Variants in SYT14 observed in about 807,000 individuals in gnomAD.
The protein encoded by SYT14 is synaptotagmin 14.
Under a neutral mutation model 74.2 loss-of-function variants are expected in SYT14, and 32 were observed. The observed-to-expected ratio is 0.43, with a 90% CI of 0.33 to 0.58. The LOEUF (loss-of-function observed/expected upper bound fraction) is 0.58. SYT14 is among the 20% of genes least tolerant of loss of function. The pLI is 0.05. For missense variants in SYT14, 791 were observed against 981.8 expected (o/e 0.81, Z 2.60); for synonymous variants, 298 against 337.7 (o/e 0.88, Z 1.29).
At chr1:210,159,978 A>ATC (rs200686751) in intron 9 of SYT14, among the ~76,000 whole-genome samples, 1 of 152,192 alleles carries the variant, frequency 6.6e-6, no homozygotes, top group East Asian at 1.9e-4. Context: ...TAGTTCAGAT[A>ATC]TCATTCTTAA....
exon 10 of SYT14, chr1:210,164,667 A>G (rs1289531825): frequency 6.6e-6 from 1 of 152,182 alleles, no homozygotes; most frequent in Non-Finnish European, 1.5e-5. Context: ...ATCCCTCTCC[A>G]GCTATGAATA....
At chr1:209,959,478 A>C (rs1443233095) in intron 2 of SYT14, among the ~76,000 whole-genome samples, 1 of 152,190 alleles carries the variant, frequency 6.6e-6, no homozygotes, top group African/African-American at 2.4e-5. Flanking sequence ...AAAGGGAAAC[A>C]ACCTAAATAT....
intron 2 of SYT14, among the ~76,000 whole-genome samples, chr1:209,996,211 A>G (rs2079788110): frequency 6.6e-6 from 1 of 152,154 alleles, no homozygotes; most frequent in Admixed American, 6.6e-5. Context: ...GAAAAATTAA[A>G]CAAGACTCAT....
chr1:210,042,610 A>G (rs2080812485), intron 5 of SYT14, among the ~76,000 whole-genome samples: 2 of 152,344 alleles, frequency 1.3e-5, no homozygotes, highest in Middle Eastern at 3.4e-3. Context: ...CATTTATTAA[A>G]TAGGGAATCC....
intron 8 of SYT14, among the ~76,000 whole-genome samples, chr1:210,157,908 A>G (rs1214047630): frequency 2.0e-5 from 3 of 152,160 alleles, no homozygotes; most frequent in African/African-American, 7.2e-5. Flanking sequence ...CCCAAATAAC[A>G]TTGGAAAGCT....
At chr1:209,990,856 A>G (rs1478977969) in intron 2 of SYT14, among the ~76,000 whole-genome samples, 2 of 152,066 alleles carry the variant, frequency 1.3e-5, no homozygotes, top group Non-Finnish European at 2.9e-5. Flanking sequence ...TATTATTACA[A>G]AGTTGGAGGT....
intron 5 of SYT14, among the ~76,000 whole-genome samples, chr1:210,075,106 C>T (rs1372672786): frequency 6.6e-6 from 1 of 152,186 alleles, no homozygotes; most frequent in African/African-American, 2.4e-5. Context: ...CGCTCAGCGG[C>T]CCGGGCTCTC....
chr1:210,141,841 T>C (rs544486910), intron 7 of SYT14, among the ~76,000 whole-genome samples: 1 of 152,320 alleles, frequency 6.6e-6, no homozygotes, highest in South Asian at 2.1e-4. Flanking sequence ...TTCTCAAGTT[T>C]TTTCTGGGCA....
At chr1:210,055,545 G>A (rs1164218563) in intron 5 of SYT14, among the ~76,000 whole-genome samples, 3 of 152,058 alleles carry the variant, frequency 2.0e-5, no homozygotes, top group Middle Eastern at 3.4e-3. Context: ...GGCCAGACAC[G>A]GTGGCTCATG....
At chr1:210,044,011 C>T (rs1266784801) in intron 5 of SYT14, among the ~76,000 whole-genome samples, 1 of 152,076 alleles carries the variant, frequency 6.6e-6, no homozygotes, top group African/African-American at 2.4e-5. Context: ...GGTTTCTCAA[C>T]TTAAAGCAGT....
chr1:210,033,653 T>C (rs1028373644), intron 5 of SYT14, among the ~76,000 whole-genome samples: 1 of 151,816 alleles, frequency 6.6e-6, no homozygotes, highest in East Asian at 1.9e-4. Flanking sequence ...AGTAAGATCA[T>C]TTAAATGGAT....
chr1:209,998,021 C>G (rs144181551), intron 2 of SYT14, among the ~76,000 whole-genome samples: 235 of 151,802 alleles, frequency 1.5e-3, no homozygotes, highest in Non-Finnish European at 2.7e-3. Flanking sequence ...TAAATTTTGC[C>G]GTCTTTTTTG....
chr1:209,952,252 A>G (rs2078923684), intron 1 of SYT14, among the ~76,000 whole-genome samples: 1 of 152,202 alleles, frequency 6.6e-6, no homozygotes, highest in South Asian at 2.1e-4. Flanking sequence ...TTGTTTTACA[A>G]ATTTATAATA....
At chr1:210,030,631 AGTG>A (rs1231666178) in intron 5 of SYT14, among the ~76,000 whole-genome samples, 2 of 152,092 alleles carry the variant, frequency 1.3e-5, no homozygotes, top group Admixed American at 6.6e-5. Flanking sequence ...TTTGAGTTGA[AGTG>A]GTGAAAGTAG....
intron 7 of SYT14, among the ~76,000 whole-genome samples, chr1:210,117,550 A>G (rs1459183355): frequency 6.6e-6 from 1 of 152,082 alleles, no homozygotes; most frequent in Non-Finnish European, 1.5e-5. Context: ...CTAGACAACA[A>G]CAGTAATGAG....
intron 5 of SYT14, among the ~76,000 whole-genome samples, chr1:210,029,598 C>G (rs1572182460): frequency 6.6e-6 from 1 of 152,156 alleles, no homozygotes; most frequent in South Asian, 2.1e-4. Flanking sequence ...TCAGGACTCT[C>G]TGTTTCATTC....
intron 2 of SYT14, among the ~76,000 whole-genome samples, chr1:209,976,670 T>G (rs868597482): frequency 3.9e-5 from 6 of 152,152 alleles, no homozygotes; most frequent in Non-Finnish European, 5.9e-5. Flanking sequence ...CTGAGAAGAA[T>G]GTATGTTCTG....
rs559137829 is a variant in SYT14, at chr1:210,078,780, C to G, written c.1313-15542C>G. On this transcript the variant is annotated intron_variant, in intron 5 of 9. Transcript: ENST00000637265. ...TTTTTTTTTTGAGACAGGGTCTTACCCTGTCGCCCAGGCTGGAGTGCACTG... is the reference window on the plus strand; with the variant it reads ...TTTTTTTTTTGAGACAGGGTCTTACGCTGTCGCCCAGGCTGGAGTGCACTG... Among the ~76,000 whole-genome samples, 631 of 151,294 alleles carry G rather than the reference C, an allele frequency of 4.2e-3. 4 individuals are homozygous for G. Among genetic ancestry groups the G allele is most frequent in the Non-Finnish European group, 7.0e-3 (473 of 67,850 alleles).
At chr1:210,076,263 A>T (rs989360697) in intron 5 of SYT14, among the ~76,000 whole-genome samples, 1 of 152,232 alleles carries the variant, frequency 6.6e-6, no homozygotes, top group Non-Finnish European at 1.5e-5. Flanking sequence ...AGGTGCTCTT[A>T]CTAATATAGA....
Sources: gnomAD v4.1 joint callset for allele counts (sites outside exome capture counted in the v4.1 genomes callset) on GRCh38, gnomAD v4.1.1 for gene constraint, MANE v1.5 for transcripts, NCBI Gene and HGNC (gene_info 2026-07-23, HGNC 2026-07-21) for gene names.